Variants in RIC1 observed in about 807,000 individuals in gnomAD.
RIC1 encodes the protein guanine nucleotide exchange factor subunit RIC1.
Under a neutral mutation model 169.0 loss-of-function variants are expected in RIC1, and 88 were observed. That is an observed-to-expected ratio of 0.52 (90% CI 0.44 to 0.62). The LOEUF is 0.62. Among genes scored for constraint, RIC1 ranks in the 20% least tolerant of loss-of-function variants. The pLI is 0.00. For missense variants in RIC1, 1,877 were observed against 1,725.5 expected (o/e 1.09, Z -1.56); for synonymous variants, 790 against 601.5 (o/e 1.31, Z -4.59).
chr9:5,632,791 G>A (rs1293208407), intron 1 of RIC1, among the ~76,000 whole-genome samples: 2 of 152,110 alleles, frequency 1.3e-5, no homozygotes, highest in Non-Finnish European at 2.9e-5. Context: ...ACTGTACTGA[G>A]GGCCCAGAAT....
chr9:5,774,100 G>C lies in RIC1; in HGVS notation c.4126G>C (p.Glu1376Gln). The change falls in exon 26 of 26, where the codon GAG becomes CAG. Residue 1376 changes from glutamate to glutamine, a missense_variant. This residue lies in a region of RIC1 where 681 missense variants were observed against 582.0 expected (regional missense o/e 1.17). Coordinates refer to ENST00000414202, the MANE Select transcript of RIC1 (RefSeq NM_020829.4). ...TPEQTSPRAE[E>Q]SRGSSSHGSI... Reference sequence around the variant, plus strand: ...AGAACAGACTAGCCCCCGGGCAGAGGAGAGCAGGGGCTCCTCCAGCCATGG... The same window carrying C: ...AGAACAGACTAGCCCCCGGGCAGAGCAGAGCAGGGGCTCCTCCAGCCATGG... 6.2e-7 allele frequency: 1 copy of C among 1,614,132 alleles called. No homozygotes were observed. Among genetic ancestry groups the C allele is most frequent in the South Asian group, 1.1e-5 (1 of 91,076 alleles).
chr9:5,729,106 C>T (rs1320585030), intron 6 of RIC1, among the ~76,000 whole-genome samples: 1 of 152,122 alleles, frequency 6.6e-6, no homozygotes, highest in Non-Finnish European at 1.5e-5. Flanking sequence ...TTGGCTACCC[C>T]AGTATTCTGG....
At chr9:5,679,748 G>A (rs575492323) in intron 2 of RIC1, among the ~76,000 whole-genome samples, 27 of 152,302 alleles carry the variant, frequency 1.8e-4, no homozygotes, top group Admixed American at 7.8e-4. Context: ...GGGCTGATAC[G>A]ATGGGGTTTT....
intron 1 of RIC1, among the ~76,000 whole-genome samples, chr9:5,656,365 T>C (rs1819097534): frequency 6.6e-6 from 1 of 152,214 alleles, no homozygotes; most frequent in Non-Finnish European, 1.5e-5. Flanking sequence ...GGATGATTAT[T>C]AATTATTAAT....
At chr9:5,764,143 T>C (rs954942359) in intron 19 of RIC1, among the ~76,000 whole-genome samples, 1 of 152,242 alleles carries the variant, frequency 6.6e-6, no homozygotes, top group African/African-American at 2.4e-5. Context: ...AAATTTAATA[T>C]GTATATTAGA....
At chr9:5,683,763 G>A (rs911592982) in intron 2 of RIC1, among the ~76,000 whole-genome samples, 3 of 152,156 alleles carry the variant, frequency 2.0e-5, no homozygotes, top group African/African-American at 7.2e-5. Context: ...GCTGAGGAAG[G>A]CGGGCCTCCT....
chr9:5,704,470 C>G (rs558453471), intron 3 of RIC1, among the ~76,000 whole-genome samples: 34 of 152,238 alleles, frequency 2.2e-4, no homozygotes, highest in African/African-American at 5.1e-4. Flanking sequence ...TCTTGGCCCC[C>G]CAAAGTGCTG....
In RIC1 at chr9:5,756,349, C is replaced by A; in HGVS notation, c.1830C>A (p.Tyr610Ter). 1 of 1,525,764 alleles carries A rather than the reference C, an allele frequency of 6.6e-7. No individual in the cohort carries two copies. The highest frequency in any genetic ancestry group is 8.9e-7 in the Non-Finnish European group (1 of 1,126,846). The allele number at this position is 1,525,764 out of a possible 1,614,324, so 94.5% of individuals were successfully genotyped here. Residue 610 changes from tyrosine (Y) to a stop codon, truncating the protein, a stop_gained, in exon 16 of 26, where the codon TAC becomes TAA. Coordinates refer to ENST00000414202, the MANE Select transcript of RIC1 (RefSeq NM_020829.4). LOFTEE classifies it high-confidence loss of function. ...GAGCAGACTGTTCAATATGCCTTTA[C>A]AGTATTGAAAGAAAATCTGATGGGT... ...VFRADCSICLYSIERKSDGPN... is the reference protein window; with the variant it reads ...VFRADCSICL
intron 12 of RIC1, 75 bp from the exon 13 acceptor site, chr9:5,753,125 T>C (rs1825817802): frequency 3.9e-6 from 5 of 1,296,550 alleles, no homozygotes; most frequent in Non-Finnish European, 5.6e-6. Flanking sequence ...ATGAATCTCA[T>C]AGTGTGATAA....
At chr9:5,716,486 G>A (rs764576880) in intron 4 of RIC1, among the ~76,000 whole-genome samples, 4 of 152,178 alleles carry the variant, frequency 2.6e-5, no homozygotes, top group Admixed American at 6.5e-5. Flanking sequence ...GGTGGCACAC[G>A]CCTGTACTCC....
intron 16 of RIC1, among the ~76,000 whole-genome samples, chr9:5,756,654 C>T (rs1189409061): frequency 6.6e-6 from 1 of 151,858 alleles, no homozygotes; most frequent in African/African-American, 2.4e-5. Context: ...TTTTCACAAC[C>T]TTGAAAATAA....
intron 10 of RIC1, 28 bp from the exon 11 acceptor site, chr9:5,745,903 T>A (rs938395409): frequency 1.9e-6 from 3 of 1,585,698 alleles, no homozygotes; most frequent in African/African-American, 1.3e-5. Flanking sequence ...TTGCTCTGAC[T>A]TTTTTTCTCC....
At chr9:5,733,495 C>G (rs1365322687) in intron 7 of RIC1, among the ~76,000 whole-genome samples, 1 of 152,050 alleles carries the variant, frequency 6.6e-6, no homozygotes, top group African/African-American at 2.4e-5. Context: ...GTCTTGATCT[C>G]CTGACCTTGT....
chr9:5,747,795 C>CTTT (rs5896128), intron 12 of RIC1, among the ~76,000 whole-genome samples: 1 of 151,854 alleles, frequency 6.6e-6, no homozygotes, highest in Non-Finnish European at 1.5e-5. Flanking sequence ...CTTTCAGCCT[C>CTTT]TTTTTTTGTA....
chr9:5,771,307 A>G (rs1827203762), intron 23 of RIC1, among the ~76,000 whole-genome samples: 1 of 152,148 alleles, frequency 6.6e-6, no homozygotes, highest in Non-Finnish European at 1.5e-5. Context: ...TAAGGAAATC[A>G]TATAGTGTTT....
chr9:5,724,768 G>C (rs1395656353), intron 6 of RIC1, among the ~76,000 whole-genome samples: 2 of 152,276 alleles, frequency 1.3e-5, no homozygotes, highest in Non-Finnish European at 2.9e-5. Context: ...TAGCAGGAAG[G>C]ACTGTTGAAT....
At chr9:5,758,336 GATTT>G (rs988796737) in intron 17 of RIC1, among the ~76,000 whole-genome samples, 5 of 152,244 alleles carry the variant, frequency 3.3e-5, no homozygotes, top group African/African-American at 1.2e-4. Context: ...ATTCTATGTG[GATTT>G]ATTTGTCATC....
chr9:5,719,350 A>G (rs531936878), intron 4 of RIC1: 1 of 152,336 alleles, frequency 6.6e-6, no homozygotes, highest in African/African-American at 2.4e-5. Flanking sequence ...CTATTTCCCC[A>G]TTAAAGAAGT....
intron 12 of RIC1, among the ~76,000 whole-genome samples, chr9:5,749,774 T>C (rs1825610942): frequency 1.4e-5 from 2 of 140,256 alleles, no homozygotes; most frequent in African/African-American, 2.7e-5. Flanking sequence ...CTTTTTTTTT[T>C]TTTTTTTTTT....
Sources: allele counts gnomAD v4.1 joint callset (sites outside exome capture counted in the v4.1 genomes callset), GRCh38; gene constraint gnomAD v4.1.1; regional missense constraint gnomAD v4.1.1; transcripts MANE v1.5; gene names NCBI Gene and HGNC (gene_info 2026-07-23, HGNC 2026-07-21).